The following DUSP16 variants were observed in gnomAD, a reference collection of about 807,000 sequenced individuals.
DUSP16 encodes the protein dual specificity protein phosphatase 16.
A neutral mutation model predicts 58.3 loss-of-function variants in DUSP16; 21 were observed. That is an observed-to-expected ratio of 0.36 (90% CI 0.26 to 0.52). The LOEUF (loss-of-function observed/expected upper bound fraction) is 0.52. DUSP16 is among the 20% of genes least tolerant of loss of function. The pLI is 0.94. For synonymous variants in DUSP16, 320 were observed against 323.8 expected (o/e 0.99, Z 0.12); for missense variants, 726 against 819.0 (o/e 0.89, Z 1.39).
intron 4 of DUSP16, among the ~76,000 whole-genome samples, chr12:12,497,370 A>C (rs1232886701): frequency 1.3e-5 from 2 of 152,162 alleles, no homozygotes; most frequent in African/African-American, 4.8e-5. Flanking sequence ...CCTTCGTAAC[A>C]GCCTGCTATA....
Position 12,477,207 on chromosome 12 carries a change from C to G in DUSP16, c.1624G>C (p.Asp542His), listed in dbSNP as rs780389480. The change falls in exon 7 of 7, where the codon GAT (aspartate) becomes CAT (histidine). Residue 542 changes from aspartate to histidine, a missense_variant. Physicochemically the swap from Asp to His is moderately conservative, Grantham distance 81. Transcript: ENST00000298573. The surrounding 1 kb of genome is among the most constrained non-coding windows in gnomAD (Gnocchi z 4.1). ...GTAGAGGTCTGGGGGGCCAAGATAT[C>G]CGAGTGCCAGCCCTTAAGGCCCAGG... ...AGLGLKGWHS[D>H]ILAPQTSTPS... 6.2e-7 allele frequency: 1 copy of G among 1,614,180 alleles called. No individual in the cohort carries two copies. Among genetic ancestry groups the G allele is most frequent in the South Asian group, 1.1e-5 (1 of 91,076 alleles).
intron 1 of DUSP16, among the ~76,000 whole-genome samples, chr12:12,549,932 C>T (rs1376395921): frequency 1.3e-5 from 2 of 152,166 alleles, no homozygotes; most frequent in Non-Finnish European, 2.9e-5. Context: ...ATCCTACACA[C>T]TAACATAGTC....
At chr12:12,486,876 A>T in intron 5 of DUSP16, 152 bp downstream of exon 5, 1 of 829,656 alleles carries the variant, frequency 1.2e-6, no homozygotes, top group Non-Finnish European at 1.9e-6. Flanking sequence ...CTTGACCACC[A>T]GATGAGTAAG....
chr12:12,509,809 C>T (rs540807078), intron 3 of DUSP16, among the ~76,000 whole-genome samples: 4 of 152,062 alleles, frequency 2.6e-5, no homozygotes, highest in East Asian at 3.9e-4. Flanking sequence ...TTTGGTGTTC[C>T]GAAGGATTTC....
At chr12:12,557,591 C>A (rs1024871511) in intron 1 of DUSP16, among the ~76,000 whole-genome samples, 8 of 150,734 alleles carry the variant, frequency 5.3e-5, no homozygotes, top group Non-Finnish European at 1.2e-4. Flanking sequence ...TTCATTTGGA[C>A]TGCACATGAA....
intron 1 of DUSP16, among the ~76,000 whole-genome samples, chr12:12,531,774 G>A (rs981368415): frequency 2.0e-5 from 3 of 152,150 alleles, no homozygotes; most frequent in South Asian, 2.1e-4. Flanking sequence ...GGGAGGCTGA[G>A]GCAGGAGAAT....
chr12:12,491,786 A>G (rs759778341), intron 4 of DUSP16, among the ~76,000 whole-genome samples: 13 of 152,072 alleles, frequency 8.5e-5, no homozygotes, highest in Non-Finnish European at 1.2e-4. Flanking sequence ...GTCATTACCA[A>G]TTACCACAAA....
chr12:12,499,657 G>A (rs143407557), intron 4 of DUSP16, among the ~76,000 whole-genome samples: 2 of 152,282 alleles, frequency 1.3e-5, no homozygotes, highest in African/African-American at 4.8e-5. Context: ...GTGTTAAGGG[G>A]TTCTTCCCTT....
At chr12:12,548,864 T>A (rs1944687218) in intron 1 of DUSP16, among the ~76,000 whole-genome samples, 1 of 151,796 alleles carries the variant, frequency 6.6e-6, no homozygotes, top group South Asian at 2.1e-4. Context: ...AAAGGGGAAA[T>A]CATCAGGAGG....
intron 6 of DUSP16, among the ~76,000 whole-genome samples, chr12:12,478,512 C>T (rs1171135821): frequency 2.0e-5 from 3 of 152,062 alleles, no homozygotes; most frequent in Admixed American, 1.3e-4. Flanking sequence ...TTTAAAGTTT[C>T]TTTTGTAGAG....
chr12:12,556,523 TATG>T (rs1352823812), intron 1 of DUSP16, among the ~76,000 whole-genome samples: 1 of 151,984 alleles, frequency 6.6e-6, no homozygotes, highest in African/African-American at 2.4e-5. Flanking sequence ...TACAGTGAGC[TATG>T]ATTGCTCTAT....
chr12:12,521,954 ATGTG>A (rs1485821864), intron 1 of DUSP16, among the ~76,000 whole-genome samples: 1 of 151,606 alleles, frequency 6.6e-6, no homozygotes, highest in African/African-American at 2.4e-5. Flanking sequence ...GTAGGTGTAT[ATGTG>A]TGTATGTGTG....
intron 3 of DUSP16, among the ~76,000 whole-genome samples, chr12:12,507,846 T>TG (rs1297340439): frequency 6.6e-6 from 1 of 152,234 alleles, no homozygotes; most frequent in Non-Finnish European, 1.5e-5. Context: ...CAACCTCAGG[T>TG]GATCAGCCCG....
intron 1 of DUSP16, among the ~76,000 whole-genome samples, chr12:12,561,877 G>T (rs1314850588): frequency 1.3e-5 from 2 of 150,502 alleles, no homozygotes; most frequent in African/African-American, 4.9e-5. Flanking sequence ...CCAGCCTCCG[G>T]CCAGGCCTAC....
Position 12,477,399 on chromosome 12 carries a change from C to G in DUSP16, c.1432G>C (p.Asp478His). ...PKKLQTARPS[D>H]SQSKRLHSVR... ...GAATGCAATCGCTTGCTCTGGCTGT[C>G]TGAAGGCCTGGCGGTCTGCAGCTTC... The change falls in exon 7 of 7, where the codon GAC becomes CAC. Residue 478 changes from aspartate to histidine, a missense_variant. By Grantham distance (81) the Asp-to-His change is moderately conservative. Coordinates refer to ENST00000298573, the MANE Select transcript of DUSP16 (RefSeq NM_030640.3). The surrounding 1 kb of genome is among the most constrained non-coding windows in gnomAD (Gnocchi z 4.1). 1 of 1,612,418 alleles carries G rather than the reference C, an allele frequency of 6.2e-7. No individual in the cohort carries two copies. The highest frequency in any genetic ancestry group is 8.5e-7 in the Non-Finnish European group (1 of 1,178,984).
In DUSP16 at chr12:12,562,815, C is replaced by T. The variant is rs1440102745; in HGVS notation, c.-1064G>A. ...GCGCGGCTCCGCGCCTCGTTCCGGC[C>T]GCTCGGGGAGGGGTCAGGTCATGTT... is the stretch of plus-strand genomic sequence containing the variant. On this transcript the variant is annotated 5_prime_UTR_variant, in exon 1 of 7. Coordinates refer to ENST00000298573, the MANE Select transcript of DUSP16 (RefSeq NM_030640.3). Among the ~76,000 whole-genome samples, 2 of 151,706 alleles carry T rather than the reference C, an allele frequency of 1.3e-5. No homozygotes were observed. The highest frequency in any genetic ancestry group is 2.9e-5 in the Non-Finnish European group (2 of 67,876).
chr12:12,531,008 T>A (rs1368125013), intron 1 of DUSP16, among the ~76,000 whole-genome samples: 1 of 152,154 alleles, frequency 6.6e-6, no homozygotes, highest in Non-Finnish European at 1.5e-5. Flanking sequence ...AAGTTTATAA[T>A]CTTTATCTAT....
intron 1 of DUSP16, among the ~76,000 whole-genome samples, chr12:12,540,991 C>G (rs980508225): frequency 8.3e-6 from 1 of 120,186 alleles, no homozygotes; most frequent in South Asian, 3.0e-4. Flanking sequence ...GAGTCTCACT[C>G]TGATTGCCCA....
At chr12:12,557,983 C>T (rs1207758758) in intron 1 of DUSP16, among the ~76,000 whole-genome samples, 10 of 152,216 alleles carry the variant, frequency 6.6e-5, no homozygotes, top group Admixed American at 6.5e-4. Flanking sequence ...TCTATTATCT[C>T]TATGAAGATT....
Sources: gnomAD v4.1 joint callset for allele counts (sites outside exome capture counted in the v4.1 genomes callset) on GRCh38, gnomAD v4.1.1 for gene constraint, Gnocchi (gnomAD v3.1) non-coding constraint, MANE v1.5 for transcripts, NCBI Gene and HGNC (gene_info 2026-07-23, HGNC 2026-07-21) for gene names.